Variants in OSBPL9 observed in about 807,000 individuals in gnomAD.
OSBPL9 encodes oxysterol-binding protein-related protein 9.
OSBPL9 carries 40 observed loss-of-function variants against 106.6 expected under a neutral mutation model. The observed-to-expected ratio is 0.38, with a 90% confidence interval of 0.29 to 0.49. The LOEUF (loss-of-function observed/expected upper bound fraction) is 0.49, where lower values mean the gene tolerates loss of function less well. OSBPL9 is among the 20% of genes least tolerant of loss of function. The pLI, the probability that OSBPL9 is intolerant of heterozygous loss-of-function variation, is 0.97. For synonymous variants in OSBPL9, 269 were observed against 295.4 expected, an observed-to-expected ratio of 0.91 and a Z score of 0.92; for missense variants, 609 against 887.2, an observed-to-expected ratio of 0.69 and a Z score of 3.98.
chr1:51,773,705 A>G (rs1370850803), intron 14 of OSBPL9, among the ~76,000 whole-genome samples: 1 of 152,008 alleles, frequency 6.6e-6, no homozygotes, highest in East Asian at 1.9e-4. Flanking sequence ...TCAGTAGTGA[A>G]CTCCTTTTTG....
At chr1:51,668,908 T>C (rs1227294965) in intron 2 of OSBPL9, among the ~76,000 whole-genome samples, 2 of 152,222 alleles carry the variant, frequency 1.3e-5, no homozygotes, top group African/African-American at 2.4e-5. Context: ...TGAAAAGTGC[T>C]CTTGGAGGGC....
intron 8 of OSBPL9, among the ~76,000 whole-genome samples, chr1:51,754,053 C>T (rs1265964825): frequency 5.9e-5 from 9 of 152,198 alleles, no homozygotes; most frequent in Admixed American, 5.9e-4. Flanking sequence ...TGATGTTCTT[C>T]TCCTGGGAGA....
At chr1:51,763,154 C>T (rs554372858) in intron 11 of OSBPL9, among the ~76,000 whole-genome samples, 37 of 152,042 alleles carry the variant, frequency 2.4e-4, no homozygotes, top group South Asian at 6.2e-4. Context: ...TAAAGATGTG[C>T]GCCACCACGC....
intron 1 of OSBPL9, among the ~76,000 whole-genome samples, chr1:51,628,843 C>G (rs1021798876): frequency 9.2e-5 from 14 of 151,548 alleles, no homozygotes; most frequent in African/African-American, 3.4e-4. Context: ...GCCACCATGT[C>G]CAGCTAATTT....
At chr1:51,577,175 C>T (rs72663113), upstream of OSBPL9, 3 of 152,254 alleles carry the variant, frequency 2.0e-5, no homozygotes, top group African/African-American at 7.2e-5. Context: ...CTTCACTTTC[C>T]GCCATGATTA....
chr1:51,644,863 G>T (rs1646047509), intron 1 of OSBPL9, among the ~76,000 whole-genome samples: 1 of 152,104 alleles, frequency 6.6e-6, no homozygotes, highest in Admixed American at 6.5e-5. Flanking sequence ...AGCTACTTAA[G>T]TTAAAATAGA....
intron 4 of OSBPL9, among the ~76,000 whole-genome samples, chr1:51,730,957 GC>G (rs1471745499): frequency 6.6e-6 from 1 of 151,922 alleles, no homozygotes. Context: ...CTTGAACACT[GC>G]CTGTATTGAA....
At chr1:51,736,067 G>T (rs1275998923) in intron 4 of OSBPL9, among the ~76,000 whole-genome samples, 1 of 152,060 alleles carries the variant, frequency 6.6e-6, no homozygotes, top group Non-Finnish European at 1.5e-5. Flanking sequence ...ATGTTAACAG[G>T]TGGGCACATT....
At chr1:51,702,084 T>C (rs1432850875) in intron 3 of OSBPL9, among the ~76,000 whole-genome samples, 2 of 152,210 alleles carry the variant, frequency 1.3e-5, no homozygotes, top group East Asian at 1.9e-4. Context: ...TCTTTGCTAT[T>C]GTGAATAGTG....
At chr1:51,619,439 T>C (rs1197881620) in intron 1 of OSBPL9, among the ~76,000 whole-genome samples, 2 of 152,238 alleles carry the variant, frequency 1.3e-5, no homozygotes, top group Non-Finnish European at 2.9e-5. Flanking sequence ...TGGCTAAATA[T>C]AGGGTTTAAA....
intron 3 of OSBPL9, among the ~76,000 whole-genome samples, chr1:51,691,689 GTTATAAAAATATTTTCT>G (rs1479799814): frequency 1.3e-5 from 2 of 151,556 alleles, no homozygotes; most frequent in East Asian, 3.9e-4. Flanking sequence ...ATATTGTATA[GTTATAAAAATATTTTCT>G]TTATATCCTT....
intron 1 of OSBPL9, among the ~76,000 whole-genome samples, chr1:51,617,976 T>C (rs959265250): frequency 1.3e-5 from 2 of 150,268 alleles, no homozygotes; most frequent in African/African-American, 4.9e-5. Context: ...AGTAGATGAA[T>C]TGCTGTGAAT....
At chr1:51,525,429 T>G in the OSBPL9 span, among the ~76,000 whole-genome samples, 3 of 152,208 alleles carry the variant, frequency 2.0e-5, no homozygotes, top group Admixed American at 2.0e-4. Context: ...TAGACAACTC[T>G]TTCAGTCAAA....
intron 9 of OSBPL9, chr1:51,759,766 G>T (rs1331925057): frequency 6.6e-6 from 1 of 152,112 alleles, no homozygotes; most frequent in Non-Finnish European, 1.5e-5. Context: ...TAGAATCAGA[G>T]AATCCTAGAC....
chr1:51,770,493 G>A (rs1673630949), intron 12 of OSBPL9, among the ~76,000 whole-genome samples: 1 of 152,126 alleles, frequency 6.6e-6, no homozygotes, highest in Non-Finnish European at 1.5e-5. Flanking sequence ...ACCCAGGCTA[G>A]ACTCAAACTC....
chr1:51,714,146 GT>G (rs56708609), intron 4 of OSBPL9, 67 bp downstream of exon 4: 36,586 of 907,200 alleles, frequency 0.04, 223 homozygotes, highest in Middle Eastern at 0.094. Context: ...TCTGTTTTCT[GT>G]TTTTTTTTTT....
chr1:51,574,211 T>C (rs12071217), upstream of OSBPL9, among the ~76,000 whole-genome samples: 6,169 of 152,312 alleles, frequency 0.041, 168 homozygotes, highest in African/African-American at 0.067. Context: ...TTGTGTATTA[T>C]CATGTGGAGT....
At chr1:51,673,501 A>C (rs1650421184) in intron 3 of OSBPL9, among the ~76,000 whole-genome samples, 1 of 152,228 alleles carries the variant, frequency 6.6e-6, no homozygotes, top group Non-Finnish European at 1.5e-5. Flanking sequence ...TTGATGATGC[A>C]AGAGAGAAAG....
chr1:51,766,091 G>A, intron 12 of OSBPL9, 110 bp downstream of exon 12: 1 of 1,141,954 alleles, frequency 8.8e-7, no homozygotes, highest in Middle Eastern at 2.2e-4. Flanking sequence ...GTTATTATTT[G>A]GGAAAATTAA....
Sources: allele counts gnomAD v4.1 joint callset (sites outside exome capture counted in the v4.1 genomes callset), GRCh38; gene constraint gnomAD v4.1.1; transcripts MANE v1.5; gene names NCBI Gene and HGNC (gene_info 2026-07-23, HGNC 2026-07-21).